Variants in SAP30 observed in about 807,000 individuals in gnomAD.
SAP30 encodes Sin3A associated protein 30.
SAP30 carries 13 observed loss-of-function variants against 19.6 expected under a neutral mutation model. That is an observed-to-expected ratio of 0.66 (90% CI 0.43 to 1.05). The LOEUF (loss-of-function observed/expected upper bound fraction) is 1.05. Among genes scored for constraint, SAP30 ranks in the 50% least tolerant of loss-of-function variants. The pLI is 0.00. For missense variants in SAP30, 257 were observed against 292.1 expected, an observed-to-expected ratio of 0.88 and a Z score of 0.88; for synonymous variants, 108 against 122.7, an observed-to-expected ratio of 0.88 and a Z score of 0.79.
Position 173,371,700 on chromosome 4 carries a change from C to G in SAP30, c.315+203C>G, listed in dbSNP as rs1479073586. 6.6e-6 allele frequency among the ~76,000 whole-genome samples: 1 copy of G among 152,120 alleles called. No individual in the cohort carries two copies. Among genetic ancestry groups the G allele is most frequent in the African/African-American group, 2.4e-5 (1 of 41,432 alleles). ...AACACACACACCACACACAGGCTGTCGTTCCCCTCTTCTTTCCCACCCTGG... is the reference window on the plus strand; with the variant it reads ...AACACACACACCACACACAGGCTGTGGTTCCCCTCTTCTTTCCCACCCTGG... On this transcript the variant is annotated intron_variant, in intron 1 of 3. Transcript: ENST00000296504. The surrounding 1 kb of genome is among the most constrained non-coding windows in gnomAD (Gnocchi z 6.4).
In SAP30 at chr4:173,371,544, C is replaced by T. The variant is rs1205457275; in HGVS notation, c.315+47C>T. ...CCTGCCCTCCCGCCCCTCGGTGGGG[C>T]CCCAGGAGCCGGGCAAAGGCACGGG... is the stretch of plus-strand genomic sequence containing the variant. On this transcript the variant is annotated intron_variant, in intron 1 of 3. Transcript: ENST00000296504. The surrounding 1 kb of genome is among the most constrained non-coding windows in gnomAD (Gnocchi z 6.4). 1 of 1,553,400 alleles carries T rather than the reference C, an allele frequency of 6.4e-7. No individual in the cohort carries two copies. The highest frequency in any genetic ancestry group is 8.7e-7 in the Non-Finnish European group (1 of 1,152,228).
chr4:173,375,803 AG>A (rs1245320282), intron 3 of SAP30, among the ~76,000 whole-genome samples: 4 of 152,224 alleles, frequency 2.6e-5, no homozygotes, highest in Admixed American at 2.0e-4. Flanking sequence ...GTGGCCTGTT[AG>A]GAACGGGTCC....
At chr4:173,376,995 AG>A (rs1483743534) in intron 3 of SAP30, among the ~76,000 whole-genome samples, 1 of 152,148 alleles carries the variant, frequency 6.6e-6, no homozygotes, top group African/African-American at 2.4e-5. Flanking sequence ...AGTGGGTCAA[AG>A]GGTCCTTTGA....
intron 2 of SAP30, 82 bp from the exon 3 acceptor site, chr4:173,373,857 T>A: frequency 1.6e-6 from 1 of 625,088 alleles, no homozygotes; most frequent in Non-Finnish European, 2.6e-6. Context: ...GTGCTGAAGT[T>A]AAAATGTTTG....
In SAP30 at chr4:173,371,001, C is replaced by T. The variant is rs926597936; in HGVS notation, c.-182C>T. The T allele has an allele frequency of 4.1e-6, 2 of 490,078 alleles. No homozygotes were observed. The highest frequency in any genetic ancestry group is 5.3e-5 in the Admixed American group (1 of 18,696). 30.4% of individuals were successfully genotyped at this position (490,078 alleles called of 1,614,324 possible). A position where few individuals can be genotyped will look rare whatever the true frequency, so the allele number is the denominator to read the frequency against. On this transcript the variant is annotated 5_prime_UTR_variant, in exon 1 of 4. Transcript: ENST00000296504. The surrounding 1 kb of genome is among the most constrained non-coding windows in gnomAD (Gnocchi z 6.4). Reference sequence around the variant, plus strand: ...GGAGACGCTCGAGTCTGCGTCCCGGCCCTCAGCACTGTCCACTGTTTCGGT... The same window carrying T: ...GGAGACGCTCGAGTCTGCGTCCCGGTCCTCAGCACTGTCCACTGTTTCGGT...
chr4:173,372,646 T>A (rs1057321882), intron 1 of SAP30, among the ~76,000 whole-genome samples: 1 of 152,224 alleles, frequency 6.6e-6, no homozygotes, highest in African/African-American at 2.4e-5. Context: ...CTGGAAAGCA[T>A]ACATTATATT....
intron 1 of SAP30, among the ~76,000 whole-genome samples, chr4:173,373,064 G>A (rs1223552059): frequency 1.3e-5 from 2 of 152,142 alleles, no homozygotes; most frequent in Non-Finnish European, 2.9e-5. Context: ...GATTACAGGC[G>A]TGAACCACCG....
chr4:173,373,807 A>G, intron 2 of SAP30, 132 bp from the exon 3 acceptor site: 1 of 438,378 alleles, frequency 2.3e-6, no homozygotes, highest in South Asian at 6.5e-5. Context: ...GATTATATAA[A>G]TTTTTTAAAT....
chr4:173,371,091 G>A lies in SAP30; in HGVS notation c.-92G>A, dbSNP rs1738914863. The stretch of plus-strand genomic sequence containing the variant: ...GCCGTGCCGCTGTCTAACTTGGTGT[G>A]CAGAGTGAATTGCCGCTGCCGGAGC... On this transcript the variant is annotated 5_prime_UTR_variant, in exon 1 of 4. Transcript: ENST00000296504. This position sits in a 1 kb window ranked among gnomAD's most constrained non-coding sequence, Gnocchi z 6.4. 3 of 1,320,498 alleles carry A rather than the reference G, an allele frequency of 2.3e-6. No individual in the cohort carries two copies. Among genetic ancestry groups the A allele is most frequent in the South Asian group, 1.4e-5 (1 of 72,662 alleles). The allele number at this position is 1,320,498 out of a possible 1,614,324, so 81.8% of individuals were successfully genotyped here.
At chr4:173,375,758 T>G (rs1363838905) in intron 3 of SAP30, among the ~76,000 whole-genome samples, 1 of 152,102 alleles carries the variant, frequency 6.6e-6, no homozygotes, top group Non-Finnish European at 1.5e-5. Flanking sequence ...AAGAGAGGGG[T>G]CCCCAACCCC....
At position 173,374,003 on chromosome 4, in the gene SAP30, C is replaced by G; in HGVS notation, c.506C>G (p.Thr169Ser). The G allele has an allele frequency of 6.2e-7, 1 of 1,602,782 alleles. No individual in the cohort carries two copies. Among genetic ancestry groups the G allele is most frequent in the Non-Finnish European group, 8.5e-7 (1 of 1,173,290 alleles). Residue 169 changes from threonine (T) to serine (S), a missense_variant, in exon 3 of 4, where the codon ACC becomes AGC. By Grantham distance (58) the Thr-to-Ser change is moderately conservative. Transcript: ENST00000296504. ...RRYKRHFKLPTRPGLNKAQLV... is the reference protein window; with the variant it reads ...RRYKRHFKLPSRPGLNKAQLV... ...TACAAAAGACACTTCAAGCTACCAA[C>G]CAGACCAGGACTTAATAAAGCACAA...
At chr4:173,376,100 A>C (rs1379896041) in intron 3 of SAP30, among the ~76,000 whole-genome samples, 1 of 152,226 alleles carries the variant, frequency 6.6e-6, no homozygotes, top group Non-Finnish European at 1.5e-5. Flanking sequence ...TTTTAAGGGA[A>C]TCCAGGGTTG....
chr4:173,371,243 G>T lies in SAP30; in HGVS notation c.61G>T (p.Ala21Ser), dbSNP rs1338093418. The change falls in exon 1 of 4, where the codon GCA becomes TCA. Residue 21 changes from alanine to serine, a missense_variant. Coordinates refer to ENST00000296504, the MANE Select transcript of SAP30 (RefSeq NM_003864.4). This position sits in a 1 kb window ranked among gnomAD's most constrained non-coding sequence, Gnocchi z 6.4. The part of the protein sequence containing the change: ...RGGDAAAAVA[A>S]VVAAAAAAAS... ...CGGGGATGCGGCCGCCGCAGTGGCC[G>T]CAGTGGTCGCTGCCGCGGCCGCCGC... The T allele has an allele frequency of 7.2e-7, 1 of 1,393,894 alleles. No homozygotes were observed. The highest frequency in any genetic ancestry group is 9.3e-7 in the Non-Finnish European group (1 of 1,076,316). The allele number at this position is 1,393,894 out of a possible 1,614,324, so 86.3% of individuals were successfully genotyped here.
rs772392731 is a variant in SAP30 at position 173,377,308 on chromosome 4, T to G, written c.644T>G (p.Val215Gly). Residue 215 changes from valine to glycine, a missense_variant, in exon 4 of 4, where the codon GTT becomes GGT. By Grantham distance (109) the Val-to-Gly change is moderately radical. Coordinates refer to ENST00000296504, the MANE Select transcript of SAP30 (RefSeq NM_003864.4). Reference protein sequence around the residue: ...KNDKNKSDLKVDSGVH With the variant: ...KNDKNKSDLKGDSGVH ...GACAAGAACAAATCAGATCTCAAGG[T>G]TGATAGTGGTGTTCACTAGGAGACG... 6 of 1,604,504 alleles carry G rather than the reference T, an allele frequency of 3.7e-6. No individual in the cohort carries two copies. The African/African-American group carries it at 8.1e-5, about 22-fold the overall frequency.
chr4:173,374,095 C>A, intron 3 of SAP30, 58 bp downstream of exon 3: 2 of 900,860 alleles, frequency 2.2e-6, no homozygotes, highest in Non-Finnish European at 1.7e-6. Flanking sequence ...TTATTAAGTG[C>A]TAATGGAAGT....
Position 173,371,321 on chromosome 4 carries a change from G to T in SAP30, c.139G>T (p.Ala47Ser), listed in dbSNP as rs184876228. The change falls in exon 1 of 4, where the codon GCG (alanine) becomes TCG (serine). Residue 47 changes from alanine (A) to serine (S), a missense_variant. By Grantham distance (99) the Ala-to-Ser change is moderately conservative. Coordinates refer to ENST00000296504, the MANE Select transcript of SAP30 (RefSeq NM_003864.4). This position sits in a 1 kb window ranked among gnomAD's most constrained non-coding sequence, Gnocchi z 6.4. ...GGGCACCGGGGCTGAGGTGCCGGGC[G>T]CGGGGGCGGTCTCAGCGGCTGGGCC... ...GAGTGAEVPG[A>S]GAVSAAGPPG... is the part of the protein sequence containing the mutation. The T allele has an allele frequency of 5.7e-3, 7,522 of 1,313,746 alleles. 393 individuals are homozygous for T. In the East Asian group the frequency reaches 0.12, roughly 22 times the overall value. The allele number at this position is 1,313,746 out of a possible 1,614,324, so 81.4% of individuals were successfully genotyped here.
At position 173,371,536 on chromosome 4, in the gene SAP30, C is replaced by T. The variant is rs762161851; in HGVS notation, c.315+39C>T. 9.6e-6 allele frequency: 15 copies of T among 1,559,870 alleles called. No homozygotes were observed. The African/African-American group carries it at 1.5e-4, about 16-fold the overall frequency. On this transcript the variant is annotated intron_variant, in intron 1 of 3. Coordinates refer to ENST00000296504, the MANE Select transcript of SAP30 (RefSeq NM_003864.4). The surrounding 1 kb of genome is among the most constrained non-coding windows in gnomAD (Gnocchi z 6.4). Reference sequence around the variant, plus strand: ...GGGACCGCCCTGCCCTCCCGCCCCTCGGTGGGGCCCCAGGAGCCGGGCAAA... The same window carrying T: ...GGGACCGCCCTGCCCTCCCGCCCCTTGGTGGGGCCCCAGGAGCCGGGCAAA...
chr4:173,374,407 C>T (rs114638285), intron 3 of SAP30, among the ~76,000 whole-genome samples: 3,629 of 152,210 alleles, frequency 0.024, 109 homozygotes, highest in African/African-American at 0.077. Flanking sequence ...TCCCAAGTAC[C>T]TGGGACTTCA....
rs1739009260 is a variant in SAP30 at position 173,374,860 on chromosome 4, A to G, written c.540+823A>G. Among the ~76,000 whole-genome samples the G allele has an allele frequency of 2.0e-5, 3 of 151,986 alleles. No homozygotes were observed. In the East Asian group the frequency reaches 5.8e-4, roughly 29 times the overall value. On this transcript the variant is annotated intron_variant, in intron 3 of 3. Transcript: ENST00000296504. Reference sequence around the variant, plus strand: ...AGACATCCATGTTTTTTTCACATCTAGAAGAGGCAAAAGCTTTTCTTTTAC... The same window carrying G: ...AGACATCCATGTTTTTTTCACATCTGGAAGAGGCAAAAGCTTTTCTTTTAC...
Sources: allele counts gnomAD v4.1 joint callset (sites outside exome capture counted in the v4.1 genomes callset), GRCh38; gene constraint gnomAD v4.1.1; non-coding constraint Gnocchi (gnomAD v3.1); transcripts MANE v1.5; gene names NCBI Gene and HGNC (gene_info 2026-07-23, HGNC 2026-07-21).